MARCHF1: variants seen among roughly 807,000 people sequenced by gnomAD.
The protein encoded by MARCHF1 is E3 ubiquitin-protein ligase MARCHF1.
A neutral mutation model predicts 54.2 loss-of-function variants in MARCHF1; 40 were observed. The observed-to-expected ratio is 0.74, with a 90% confidence interval of 0.57 to 0.96. The LOEUF is 0.96. MARCHF1 is among the 40% of genes least tolerant of loss of function. MARCHF1 has a pLI of 0.00. For missense variants in MARCHF1, 586 were observed against 656.5 expected, an observed-to-expected ratio of 0.89 and a Z score of 1.17; for synonymous variants, 236 against 236.3, an observed-to-expected ratio of 1.00 and a Z score of 0.01.
chr4:163,863,373 T>G (rs1262024011), intron 3 of MARCHF1, among the ~76,000 whole-genome samples: 6 of 152,040 alleles, frequency 3.9e-5, no homozygotes, highest in Non-Finnish European at 8.8e-5. Flanking sequence ...CATAACATGG[T>G]CCCCTATGGA....
At chr4:164,032,406 G>C (rs1018748088) in intron 2 of MARCHF1, among the ~76,000 whole-genome samples, 2 of 152,086 alleles carry the variant, frequency 1.3e-5, no homozygotes, top group Non-Finnish European at 2.9e-5. Context: ...TGCTTCTCCA[G>C]TTATTTTAAT....
chr4:163,535,047 G>T (rs1738482735), intron 9 of MARCHF1, among the ~76,000 whole-genome samples: 1 of 151,888 alleles, frequency 6.6e-6, no homozygotes, highest in South Asian at 2.1e-4. Context: ...AATAATTTTT[G>T]ACCATTAGTG....
intron 8 of MARCHF1, among the ~76,000 whole-genome samples, chr4:163,562,051 C>G (rs757275027): frequency 2.0e-5 from 3 of 152,106 alleles, no homozygotes; most frequent in Non-Finnish European, 1.5e-5. Flanking sequence ...AATTCCAGCA[C>G]TTTGGGAGGC....
At chr4:163,937,657 T>C (rs532410699) in intron 3 of MARCHF1, among the ~76,000 whole-genome samples, 2 of 152,258 alleles carry the variant, frequency 1.3e-5, no homozygotes, top group Non-Finnish European at 2.9e-5. Context: ...AGTGACCTAA[T>C]TTTTCCTTGT....
At chr4:164,108,971 C>T (rs1755770311) in intron 2 of MARCHF1, among the ~76,000 whole-genome samples, 1 of 151,946 alleles carries the variant, frequency 6.6e-6, no homozygotes, top group Non-Finnish European at 1.5e-5. Context: ...AGGGCAATTC[C>T]CATTCCAAAA....
At chr4:164,280,565 A>C (rs1734002394) in intron 1 of MARCHF1, among the ~76,000 whole-genome samples, 1 of 152,110 alleles carries the variant, frequency 6.6e-6, no homozygotes, top group African/African-American at 2.4e-5. Flanking sequence ...TAAACTCCAG[A>C]TGGATTATAG....
chr4:163,927,578 T>G (rs1751563653), intron 3 of MARCHF1, among the ~76,000 whole-genome samples: 1 of 151,832 alleles, frequency 6.6e-6, no homozygotes, highest in Non-Finnish European at 1.5e-5. Flanking sequence ...CATTTTAAAC[T>G]TGTTAAATTC....
chr4:163,670,903 T>A (rs536852187), intron 5 of MARCHF1, among the ~76,000 whole-genome samples: 34 of 152,340 alleles, frequency 2.2e-4, no homozygotes, highest in Non-Finnish European at 4.6e-4. Flanking sequence ...TGCCTAGCAA[T>A]GGTGAATTTG....
chr4:163,829,178 C>T (rs990822792), intron 4 of MARCHF1: 1 of 152,082 alleles, frequency 6.6e-6, no homozygotes, highest in Non-Finnish European at 1.5e-5. Flanking sequence ...GATTTGTGAC[C>T]ATTAGGTACA....
At chr4:163,873,088 C>CA (rs11445016) in intron 3 of MARCHF1, among the ~76,000 whole-genome samples, 18,464 of 150,404 alleles carry the variant, frequency 0.12, 2,155 homozygotes, top group East Asian at 0.35. Flanking sequence ...AACAAACAAA[C>CA]AAAAAAAATG....
Position 163,526,441 on chromosome 4 carries a change from A to T in MARCHF1, c.*2307T>A, listed in dbSNP as rs1326449032. 1 of 152,082 alleles carries T rather than the reference A, an allele frequency of 6.6e-6. No homozygotes were observed. Among genetic ancestry groups the T allele is most frequent in the African/African-American group, 2.4e-5 (1 of 41,438 alleles). 9.4% of individuals were successfully genotyped at this position (152,082 alleles called of 1,614,324 possible). On this transcript the variant is annotated 3_prime_UTR_variant, in exon 10 of 10. Transcript: ENST00000514618. ...GATGTTTTTCCCCGGGAATATCTGTAAGCAGCATGTTGCCATTACTAACCC... is the reference window on the plus strand; with the variant it reads ...GATGTTTTTCCCCGGGAATATCTGTTAGCAGCATGTTGCCATTACTAACCC...
chr4:164,354,295 G>A lies in MARCHF1; in HGVS notation c.-323+29575C>T, dbSNP rs1270967305. Among the ~76,000 whole-genome samples the A allele has an allele frequency of 6.1e-5, 8 of 131,362 alleles. 1 individual carries two copies. Among genetic ancestry groups the A allele is most frequent in the Admixed American group, 1.5e-4 (2 of 13,338 alleles). The allele number at this position is 131,362 out of a possible 152,430, so 86.2% of individuals were successfully genotyped here. ...AGCATTATTCTGATACCAAAGCCGG[G>A]CAGAGACACAACCAAAAAAGAGAAT... On this transcript the variant is annotated intron_variant, in intron 1 of 9. Coordinates refer to ENST00000514618, the MANE Select transcript of MARCHF1 (RefSeq NM_001394959.1).
chr4:163,883,859 G>C (rs988934777), intron 3 of MARCHF1, among the ~76,000 whole-genome samples: 1 of 151,942 alleles, frequency 6.6e-6, no homozygotes, highest in Admixed American at 6.6e-5. Flanking sequence ...GCCCTAGCCT[G>C]CATCAAAGCT....
At chr4:163,897,890 A>AC (rs1750846672) in intron 3 of MARCHF1, among the ~76,000 whole-genome samples, 1 of 107,126 alleles carries the variant, frequency 9.3e-6, no homozygotes, top group Non-Finnish European at 2.2e-5. Context: ...CCCAGTCTCT[A>AC]CTAAAAAAAA....
rs1560940600 is a variant in MARCHF1, at chr4:164,176,976, C to CCA, written c.-322-65315_-322-65314insTG. ...TCTCTCTCTCTCTCTCTCTCTCTCT[C>CCA]TCTCTATATATATATATATATATAT... On this transcript the variant is annotated intron_variant, in intron 1 of 9. Coordinates refer to ENST00000514618, the MANE Select transcript of MARCHF1 (RefSeq NM_001394959.1). Among the ~76,000 whole-genome samples, 7 of 32,864 alleles carry CCA rather than the reference C, an allele frequency of 2.1e-4. No individual in the cohort carries two copies. The South Asian group carries it at 3.3e-3, about 15-fold the overall frequency. The allele number at this position is 32,864 out of a possible 152,430, so 21.6% of individuals were successfully genotyped here. A position where few individuals can be genotyped will look rare whatever the true frequency, so the allele number is the denominator to read the frequency against.
intron 2 of MARCHF1, among the ~76,000 whole-genome samples, chr4:164,100,323 T>G (rs1223301274): frequency 1.3e-5 from 2 of 152,250 alleles, no homozygotes; most frequent in Non-Finnish European, 2.9e-5. Context: ...ACTCAAGGTT[T>G]TGCTTTTGAC....
intron 4 of MARCHF1, among the ~76,000 whole-genome samples, chr4:163,823,671 C>A (rs1031089652): frequency 2.6e-5 from 4 of 151,490 alleles, no homozygotes; most frequent in African/African-American, 9.7e-5. Context: ...CCTGGTTCAC[C>A]CATTTTATCA....
intron 2 of MARCHF1, among the ~76,000 whole-genome samples, chr4:164,092,792 T>C (rs909612709): frequency 2.6e-5 from 4 of 152,162 alleles, no homozygotes; most frequent in African/African-American, 4.8e-5. Context: ...GAAAGTTACG[T>C]TGACTGATCT....
chr4:163,865,700 A>T (rs992762215), intron 3 of MARCHF1, among the ~76,000 whole-genome samples: 4 of 151,722 alleles, frequency 2.6e-5, no homozygotes, highest in African/African-American at 9.7e-5. Context: ...ACATTTTATT[A>T]TTTCACTTAA....
Sources: gnomAD v4.1 joint callset for allele counts (sites outside exome capture counted in the v4.1 genomes callset) on GRCh38, gnomAD v4.1.1 for gene constraint, MANE v1.5 for transcripts, NCBI Gene and HGNC (gene_info 2026-07-23, HGNC 2026-07-21) for gene names.